AKR1C8: variants seen among roughly 807,000 people sequenced by gnomAD.
AKR1C8 encodes the protein aldo-keto reductase family 1 member C-like protein 1.
At chr10:5,168,564 G>C in the AKR1C8 span, among the ~76,000 whole-genome samples, 2 of 152,092 alleles carry the variant, frequency 1.3e-5, no homozygotes, top group Non-Finnish European at 2.9e-5. Context: ...ATACATGAAG[G>C]CTTTCCAAAA....
the AKR1C8 span, chr10:5,161,901 C>T: frequency 0.29 from 155,603 of 534,296 alleles, 25,586 homozygotes; most frequent in Non-Finnish European, 0.36. Context: ...CTACATAGTC[C>T]GGTCCAAGTT....
At chr10:5,179,738 T>C in the AKR1C8 span, among the ~76,000 whole-genome samples, 7 of 152,196 alleles carry the variant, frequency 4.6e-5, no homozygotes, top group African/African-American at 1.7e-4. Flanking sequence ...CTTCCATCAC[T>C]GATATCCTTT....
chr10:5,125,611 C>T, the AKR1C8 span, among the ~76,000 whole-genome samples: 1 of 152,194 alleles, frequency 6.6e-6, no homozygotes, highest in African/African-American at 2.4e-5. Flanking sequence ...GTAATCTCAG[C>T]TGTCCCTGTT....
chr10:5,180,795 G>A, the AKR1C8 span, among the ~76,000 whole-genome samples: 4 of 152,256 alleles, frequency 2.6e-5, no homozygotes, highest in Non-Finnish European at 5.9e-5. Flanking sequence ...CGAGCCATGT[G>A]TGGGATATAA....
the AKR1C8 span, among the ~76,000 whole-genome samples, chr10:5,129,076 G>A: frequency 2.0e-5 from 3 of 152,142 alleles, no homozygotes; most frequent in East Asian, 5.8e-4. Flanking sequence ...ATTACATCAA[G>A]TATCTTCTCA....
the AKR1C8 span, among the ~76,000 whole-genome samples, chr10:5,130,814 A>G: frequency 6.6e-6 from 1 of 151,876 alleles, no homozygotes; most frequent in Admixed American, 6.6e-5. Context: ...CCATGCTTAC[A>G]GATAGAATCA....
the AKR1C8 span, chr10:5,155,492 C>G: frequency 3.5e-6 from 1 of 287,892 alleles, no homozygotes; most frequent in Admixed American, 4.7e-5. Context: ...CTTACAGACA[C>G]ATTTCTGCTG....
chr10:5,183,821 A>G, the AKR1C8 span, among the ~76,000 whole-genome samples: 2 of 152,194 alleles, frequency 1.3e-5, no homozygotes, highest in African/African-American at 4.8e-5. Context: ...ACTCAGATAA[A>G]AAAACAAGGC....
At chr10:5,166,843 G>T in the AKR1C8 span, among the ~76,000 whole-genome samples, 1 of 151,986 alleles carries the variant, frequency 6.6e-6, no homozygotes, top group African/African-American at 2.4e-5. Context: ...CCCTCAGAGT[G>T]AACAGGCAAC....
the AKR1C8 span, among the ~76,000 whole-genome samples, chr10:5,164,353 A>G: frequency 5.3e-5 from 8 of 151,888 alleles, no homozygotes; most frequent in African/African-American, 1.9e-4. Context: ...TCTTTCATTT[A>G]TTAAACTTTC....
chr10:5,159,544 A>G, the AKR1C8 span, among the ~76,000 whole-genome samples: 5 of 152,052 alleles, frequency 3.3e-5, no homozygotes, highest in Non-Finnish European at 5.9e-5. Flanking sequence ...AACTTTCCCT[A>G]GGAGAACAAA....
the AKR1C8 span, among the ~76,000 whole-genome samples, chr10:5,128,887 A>G: frequency 6.6e-6 from 1 of 152,104 alleles, no homozygotes. Flanking sequence ...TCAAGGCAGA[A>G]AGTAAATAGG....
At chr10:5,173,730 T>C in the AKR1C8 span, among the ~76,000 whole-genome samples, 1 of 152,030 alleles carries the variant, frequency 6.6e-6, no homozygotes, top group Non-Finnish European at 1.5e-5. Context: ...ACTGTTTATA[T>C]TCTCTGTAAA....
chr10:5,178,073 G>A, the AKR1C8 span, among the ~76,000 whole-genome samples: 1 of 152,060 alleles, frequency 6.6e-6, no homozygotes, highest in African/African-American at 2.4e-5. Context: ...TGTGATGTTA[G>A]GGTGTCAATT....
At chr10:5,177,283 T>C in the AKR1C8 span, among the ~76,000 whole-genome samples, 9,260 of 152,034 alleles carry the variant, frequency 0.061, 344 homozygotes, top group Middle Eastern at 0.075. Context: ...ATTACATTTA[T>C]TGATTTGCAT....
the AKR1C8 span, among the ~76,000 whole-genome samples, chr10:5,145,280 G>C: frequency 6.6e-6 from 1 of 152,074 alleles, no homozygotes; most frequent in Admixed American, 6.6e-5. Flanking sequence ...CAGGACATAG[G>C]CATGGGCAAG....
chr10:5,183,396 G>A, the AKR1C8 span, among the ~76,000 whole-genome samples: 1 of 152,030 alleles, frequency 6.6e-6, no homozygotes, highest in African/African-American at 2.4e-5. Context: ...TTATCAGGAC[G>A]TATCAACAAC....
At chr10:5,169,632 A>G in the AKR1C8 span, among the ~76,000 whole-genome samples, 4 of 151,518 alleles carry the variant, frequency 2.6e-5, no homozygotes, top group East Asian at 5.8e-4. Flanking sequence ...TGTTATGAGG[A>G]TAATAATTAA....
chr10:5,172,357 G>GTTTTTTAAATATAAGTTATC, the AKR1C8 span, among the ~76,000 whole-genome samples: 1 of 151,866 alleles, frequency 6.6e-6, no homozygotes, highest in Non-Finnish European at 1.5e-5. Context: ...ACCACATAAG[G>GTTTTTTAAATATAAGTTATC]TTTTTTAAAT....
Sources: allele counts gnomAD v4.1 joint callset (sites outside exome capture counted in the v4.1 genomes callset), GRCh38; gene constraint gnomAD v4.1.1; transcripts MANE v1.5; gene names NCBI Gene and HGNC (gene_info 2026-07-23, HGNC 2026-07-21).